GPC6: variants seen among roughly 807,000 people sequenced by gnomAD.
GPC6 encodes the protein glypican 6.
A neutral mutation model predicts 55.2 loss-of-function variants in GPC6; 14 were observed. The observed-to-expected ratio is 0.25, with a 90% confidence interval of 0.17 to 0.40. The LOEUF (loss-of-function observed/expected upper bound fraction) is 0.40. Ranked by LOEUF, GPC6 falls within the 10% of genes least tolerant of loss-of-function variation. The pLI is 1.00. For synonymous variants in GPC6, 278 were observed against 259.6 expected (o/e 1.07, Z -0.68); for missense variants, 641 against 708.5 (o/e 0.90, Z 1.08).
chr13:93,227,582 C>T lies in GPC6; in HGVS notation c.126C>T (p.Phe42=). Residue 42 remains phenylalanine (F), a synonymous_variant, in exon 1 of 9, where the codon TTC becomes TTT. Coordinates refer to ENST00000377047, the MANE Select transcript of GPC6 (RefSeq NM_005708.5). This position sits in a 1 kb window ranked among gnomAD's most constrained non-coding sequence, Gnocchi z 4.3. The part of the protein sequence containing the change: ...EVRQAYGAKG[F]SLADIPYQEI... ...GCCAGGCGTACGGTGCCAAGGGATT[C>T]AGCCTGGCGGACATCCCCTACCAGG... 1 of 1,610,452 alleles carries T rather than the reference C, an allele frequency of 6.2e-7. No homozygotes were observed.
chr13:93,974,937 G>A (rs961717183), intron 3 of GPC6, among the ~76,000 whole-genome samples: 1 of 152,088 alleles, frequency 6.6e-6, no homozygotes, highest in Non-Finnish European at 1.5e-5. Context: ...CTTATCCAAG[G>A]TCAGAAAGCC....
chr13:93,902,650 G>A (rs1876423428), intron 3 of GPC6, among the ~76,000 whole-genome samples: 1 of 152,110 alleles, frequency 6.6e-6, no homozygotes. Flanking sequence ...TATAATGGCT[G>A]TACTAATTTA....
chr13:93,232,764 A>G (rs1367285110), intron 1 of GPC6, among the ~76,000 whole-genome samples: 1 of 152,178 alleles, frequency 6.6e-6, no homozygotes, highest in African/African-American at 2.4e-5. Context: ...GAACACTTAT[A>G]AAACACAAAA....
chr13:93,904,268 A>G (rs1260055349), intron 3 of GPC6, among the ~76,000 whole-genome samples: 1 of 152,164 alleles, frequency 6.6e-6, no homozygotes, highest in Non-Finnish European at 1.5e-5. Flanking sequence ...CAAGAGTAGA[A>G]CTGTAGACAA....
chr13:94,036,887 G>C (rs1399305515), intron 4 of GPC6, among the ~76,000 whole-genome samples: 1 of 151,958 alleles, frequency 6.6e-6, no homozygotes, highest in African/African-American at 2.4e-5. Context: ...CAACTAAACA[G>C]CTCTTTGTAG....
intron 1 of GPC6, among the ~76,000 whole-genome samples, chr13:93,523,262 ATAT>A (rs1392240301): frequency 4.0e-5 from 6 of 150,538 alleles, no homozygotes; most frequent in African/African-American, 1.5e-4. Flanking sequence ...TATATGGATA[ATAT>A]TGTGTATATT....
chr13:93,644,183 A>C lies in GPC6; in HGVS notation c.319+98762A>C, dbSNP rs1880078235. Among the ~76,000 whole-genome samples, 3 of 152,036 alleles carry C rather than the reference A, an allele frequency of 2.0e-5. No homozygotes were observed. In the South Asian group the frequency reaches 6.2e-4, roughly 31 times the overall value. On this transcript the variant is annotated intron_variant, in intron 2 of 8. Coordinates refer to ENST00000377047, the MANE Select transcript of GPC6 (RefSeq NM_005708.5). ...TGTACTTTATTTCCTTTAGGCTCAG[A>C]GTTACTTCATTATCAAGAAAAGTTT...
intron 2 of GPC6, among the ~76,000 whole-genome samples, chr13:93,662,871 A>G (rs915709155): frequency 2.6e-5 from 4 of 152,088 alleles, no homozygotes; most frequent in African/African-American, 9.7e-5. Context: ...ACAACAAAAA[A>G]CAAAACACCT....
chr13:93,419,654 C>G (rs1304362452), intron 1 of GPC6, among the ~76,000 whole-genome samples: 1 of 152,108 alleles, frequency 6.6e-6, no homozygotes, highest in East Asian at 1.9e-4. Flanking sequence ...GCCTGTAACA[C>G]AGTGAAGCCT....
At chr13:94,351,796 G>A (rs1391876908) in intron 6 of GPC6, among the ~76,000 whole-genome samples, 4 of 151,594 alleles carry the variant, frequency 2.6e-5, no homozygotes, top group Admixed American at 1.3e-4. Context: ...TTGGATCCTC[G>A]GAGCATATAC....
chr13:94,274,692 T>C (rs1202253631), intron 4 of GPC6, among the ~76,000 whole-genome samples: 1 of 151,808 alleles, frequency 6.6e-6, no homozygotes, highest in Non-Finnish European at 1.5e-5. Flanking sequence ...ATGACAAACT[T>C]AGAGTCTTGA....
rs371124295 is a variant in GPC6, at chr13:93,717,216, A to G, written c.320-112938A>G. Among the ~76,000 whole-genome samples, 39 of 151,868 alleles carry G rather than the reference A, an allele frequency of 2.6e-4. 2 individuals are homozygous for G. In the East Asian group the frequency reaches 6.2e-3, roughly 24 times the overall value. On this transcript the variant is annotated intron_variant, in intron 2 of 8. Coordinates refer to ENST00000377047, the MANE Select transcript of GPC6 (RefSeq NM_005708.5). ...GAAAAAAAAATCTACTTTTTAATGC[A>G]GATAGTTCAACTTGAGTACTGTAGT...
intron 3 of GPC6, among the ~76,000 whole-genome samples, chr13:93,888,260 G>T (rs1875460571): frequency 6.6e-6 from 1 of 152,192 alleles, no homozygotes; most frequent in South Asian, 2.1e-4. Flanking sequence ...TATCCAATTA[G>T]CGCAAATTTA....
At chr13:94,058,577 G>A (rs1201495384) in intron 4 of GPC6, among the ~76,000 whole-genome samples, 1 of 152,084 alleles carries the variant, frequency 6.6e-6, no homozygotes, top group Non-Finnish European at 1.5e-5. Context: ...AAGTTTGGAC[G>A]AACTACATTT....
chr13:93,461,654 A>G (rs1878694275), intron 1 of GPC6, among the ~76,000 whole-genome samples: 1 of 68,594 alleles, frequency 1.5e-5, no homozygotes, highest in Non-Finnish European at 2.6e-5. Context: ...TGAAGATACT[A>G]GGTCCCGGCG....
At chr13:93,273,633 G>A (rs1327479456) in intron 1 of GPC6, among the ~76,000 whole-genome samples, 1 of 152,002 alleles carries the variant, frequency 6.6e-6, no homozygotes, top group East Asian at 1.9e-4. Flanking sequence ...ACTCCAGCCT[G>A]GGCGACAGAG....
chr13:93,272,021 G>C (rs1351231748), intron 1 of GPC6, among the ~76,000 whole-genome samples: 1 of 152,014 alleles, frequency 6.6e-6, no homozygotes, highest in African/African-American at 2.4e-5. Flanking sequence ...GTTTTGTGCT[G>C]TGCTGATGGG....
chr13:93,515,541 A>T (rs1881156941), intron 1 of GPC6, among the ~76,000 whole-genome samples: 1 of 152,184 alleles, frequency 6.6e-6, no homozygotes, highest in Non-Finnish European at 1.5e-5. Flanking sequence ...AATTATTTAA[A>T]TTTTGTGAGC....
intron 1 of GPC6, among the ~76,000 whole-genome samples, chr13:93,332,242 A>G (rs1421703425): frequency 6.6e-6 from 1 of 150,846 alleles, no homozygotes; most frequent in Non-Finnish European, 1.5e-5. Flanking sequence ...TTGCTAAATA[A>G]TATGGTATTT....
Sources: gnomAD v4.1 joint callset for allele counts (sites outside exome capture counted in the v4.1 genomes callset) on GRCh38, gnomAD v4.1.1 for gene constraint, Gnocchi (gnomAD v3.1) non-coding constraint, MANE v1.5 for transcripts, NCBI Gene and HGNC (gene_info 2026-07-23, HGNC 2026-07-21) for gene names.